The following USP35 variants were observed in gnomAD, a reference collection of about 807,000 sequenced individuals.
USP35 encodes ubiquitin carboxyl-terminal hydrolase 35.
In USP35, 69 loss-of-function variants were observed where a neutral mutation model predicts 83.8. The ratio of observed to expected loss-of-function variants is 0.82; its 90% CI spans 0.68 to 1.01. The LOEUF is 1.01. USP35 is among the 50% of genes least tolerant of loss of function. USP35 has a pLI of 0.00. For synonymous variants in USP35, 714 were observed against 589.5 expected, an observed-to-expected ratio of 1.21 and a Z score of -3.06; for missense variants, 1,503 against 1,362.5, an observed-to-expected ratio of 1.10 and a Z score of -1.62.
intron 6 of USP35, among the ~76,000 whole-genome samples, chr11:78,203,485 C>A (rs1001815487): frequency 1.3e-5 from 2 of 152,182 alleles, no homozygotes; most frequent in African/African-American, 4.8e-5. Context: ...CCAAAGTAGC[C>A]TGACATGAGC....
In USP35 at chr11:78,200,232, C is replaced by G; in HGVS notation, c.1036C>G (p.Leu346Val). 1 of 1,614,164 alleles carries G rather than the reference C, an allele frequency of 6.2e-7. No homozygotes were observed. Among genetic ancestry groups the G allele is most frequent in the Non-Finnish European group, 8.5e-7 (1 of 1,180,012 alleles). ...CCAGCACTCCCACGAAGCCTTCCAC[C>G]TGGTAAGGTCCCCTGCCTGCTGCCC... ...TFQHSHEAFH[L>V]LLPHIPPMVA... is the part of the protein sequence containing the mutation. Residue 346 changes from leucine (L) to valine (V), a missense_variant and splice_region_variant, in exon 5 of 11, where the codon CTG becomes GTG. Transcript: ENST00000529308.
chr11:78,224,670 C>T, the USP35 span, among the ~76,000 whole-genome samples: 2 of 152,324 alleles, frequency 1.3e-5, no homozygotes, highest in Admixed American at 6.5e-5. Context: ...CGGTTAGCAT[C>T]TTCCAGAGGG....
At chr11:78,235,127 C>G in the USP35 span, among the ~76,000 whole-genome samples, 2 of 151,896 alleles carry the variant, frequency 1.3e-5, no homozygotes, top group African/African-American at 2.4e-5. Context: ...TTTCTACAGC[C>G]GGTTTGATTT....
chr11:78,226,695 A>G, the USP35 span: 12 of 1,613,724 alleles, frequency 7.4e-6, no homozygotes, highest in Non-Finnish European at 9.3e-6. Context: ...TGTCCTAGGG[A>G]TCTGGTAGGC....
At chr11:78,194,725 A>G (rs1360557030) in intron 1 of USP35, among the ~76,000 whole-genome samples, 5 of 152,170 alleles carry the variant, frequency 3.3e-5, no homozygotes, top group Non-Finnish European at 7.3e-5. Flanking sequence ...GGAGTAAGGT[A>G]GAGATGACTC....
intron 1 of USP35, among the ~76,000 whole-genome samples, chr11:78,193,068 A>G (rs1303493958): frequency 6.6e-6 from 1 of 152,212 alleles, no homozygotes; most frequent in East Asian, 1.9e-4. Context: ...TATGAAATCC[A>G]CTAGCCATCC....
intron 1 of USP35, among the ~76,000 whole-genome samples, chr11:78,189,957 AC>A (rs1247727333): frequency 1.3e-5 from 2 of 152,146 alleles, no homozygotes; most frequent in Non-Finnish European, 2.9e-5. Context: ...CCATTCAGAC[AC>A]CTGAGGGGCC....
rs1367937292 is a variant in USP35 at position 78,210,055 on chromosome 11, G to A, written c.2200G>A (p.Asp734Asn). 6.2e-7 allele frequency: 1 copy of A among 1,613,750 alleles called. No individual in the cohort carries two copies. Among genetic ancestry groups the A allele is most frequent in the Non-Finnish European group, 8.5e-7 (1 of 1,179,902 alleles). Residue 734 changes from aspartate to asparagine, a missense_variant, in exon 10 of 11, where the codon GAC becomes AAC. Transcript: ENST00000529308. ...EKEAEQEKEEDSLGAGTHPDA... is the reference protein window; with the variant it reads ...EKEAEQEKEENSLGAGTHPDA... The stretch of plus-strand genomic sequence containing the variant: ...GGAGGCTGAGCAGGAAAAGGAAGAA[G>A]ACAGCCTGGGAGCGGGGACCCACCC...
chr11:78,213,579 G>GGGTAGACTCACTCTGGCTTCA, intron 10 of USP35, 67 bp from the exon 11 acceptor site: 2 of 1,428,424 alleles, frequency 1.4e-6, no homozygotes, highest in Non-Finnish European at 1.8e-6. Context: ...GTGTTGTGCT[G>GGGTAGACTCACTCTGGCTTCA]GGTAGACTCA....
At chr11:78,219,127 G>T, downstream of USP35, 2 of 741,924 alleles carry the variant, frequency 2.7e-6, no homozygotes, top group Non-Finnish European at 4.4e-6. Flanking sequence ...AAGGGTTCAG[G>T]GTCCCTGATG....
chr11:78,233,099 A>C, the USP35 span, among the ~76,000 whole-genome samples: 1 of 146,516 alleles, frequency 6.8e-6, no homozygotes. Context: ...GAATGCAGTG[A>C]CGTGATCTCA....
At chr11:78,189,190 G>C (rs976720205) in intron 1 of USP35, 33 bp downstream of exon 1, 2 of 155,668 alleles carry the variant, frequency 1.3e-5, no homozygotes, top group African/African-American at 4.8e-5. Context: ...ACTGTCTTTG[G>C]GGGGCGGTGT....
At position 78,209,481 on chromosome 11, in the gene USP35, C is replaced by T. The variant is rs748289794; in HGVS notation, c.1626C>T (p.Ile542=). The part of the protein sequence containing the change: ...LHEEEKTGTR[I]CQKLKQSSSP... ...AAGAGGAGAAAACGGGCACAAGGAT[C>T]TGCCAGAAACTCAAGCAGTCCAGCT... The change falls in exon 10 of 11, where the codon ATC becomes ATT. Residue 542 remains isoleucine (I), a synonymous_variant. Coordinates refer to ENST00000529308, the MANE Select transcript of USP35 (RefSeq NM_020798.4). 2 of 1,611,722 alleles carry T rather than the reference C, an allele frequency of 1.2e-6. No homozygotes were observed. The highest frequency in any genetic ancestry group is 1.7e-6 in the Non-Finnish European group (2 of 1,178,462).
chr11:78,236,006 A>C, the USP35 span, among the ~76,000 whole-genome samples: 1 of 152,106 alleles, frequency 6.6e-6, no homozygotes, highest in Admixed American at 6.6e-5. Flanking sequence ...TTTTATTTGG[A>C]TTGTGTTGAA....
chr11:78,227,631 C>CAAAAAAAAAAAAAAAAAAAAAAAAAAAAA, the USP35 span, among the ~76,000 whole-genome samples: 36 of 106,098 alleles, frequency 3.4e-4, no homozygotes, highest in African/African-American at 8.3e-4. Flanking sequence ...CCATTGCCAC[C>CAAAAAAAAAAAAAAAAAAAAAAAAAAAAA]AAAAAAAAAA....
chr11:78,210,779 T>G, intron 10 of USP35, 35 bp downstream of exon 10: 8 of 1,500,636 alleles, frequency 5.3e-6, no homozygotes, highest in Non-Finnish European at 6.2e-6. Context: ...ATCTGATCTC[T>G]TGGTGGAGGG....
At chr11:78,216,183 G>A (rs1366302345), downstream of USP35, 1 of 152,650 alleles carries the variant, frequency 6.6e-6, no homozygotes, top group East Asian at 1.9e-4. Context: ...AGGACTTAAG[G>A]AGACACCATC....
chr11:78,209,646 T>G lies in USP35; in HGVS notation c.1791T>G (p.Ser597=). The G allele has an allele frequency of 6.2e-7, 1 of 1,614,038 alleles. No homozygotes were observed. Among genetic ancestry groups the G allele is most frequent in the East Asian group, 2.2e-5 (1 of 44,856 alleles). Residue 597 remains serine, a synonymous_variant, in exon 10 of 11, where the codon TCT becomes TCG. Coordinates refer to ENST00000529308, the MANE Select transcript of USP35 (RefSeq NM_020798.4). ...GGGAGGAGGCCTTCACGGACCTCTC[T>G]CTCGCCTTCCCTCCTCCTGAGCGCT... ...SSREEAFTDL[S]LAFPPPERCR...
chr11:78,197,378 GTGA>G (rs1863186580), intron 2 of USP35, among the ~76,000 whole-genome samples: 1 of 152,122 alleles, frequency 6.6e-6, no homozygotes, highest in Admixed American at 6.5e-5. Context: ...GTCTGGAGAG[GTGA>G]TGGAGTCTGC....
Sources: gnomAD v4.1 joint callset for allele counts (sites outside exome capture counted in the v4.1 genomes callset) on GRCh38, gnomAD v4.1.1 for gene constraint, MANE v1.5 for transcripts, NCBI Gene and HGNC (gene_info 2026-07-23, HGNC 2026-07-21) for gene names.